Variants in STX8 observed in about 807,000 individuals in gnomAD.
STX8 encodes the protein syntaxin-8.
In STX8, 23 loss-of-function variants were observed where a neutral mutation model predicts 37.5. That is an observed-to-expected ratio of 0.61 (90% CI 0.44 to 0.87). The LOEUF (loss-of-function observed/expected upper bound fraction) is 0.87. Ranked by LOEUF, STX8 falls within the 40% of genes least tolerant of loss-of-function variation. STX8 has a pLI of 0.00. For synonymous variants in STX8, 115 were observed against 99.1 expected, an observed-to-expected ratio of 1.16 and a Z score of -0.95; for missense variants, 313 against 284.7, an observed-to-expected ratio of 1.10 and a Z score of -0.71.
chr17:9,549,529 T>G (rs1456602916), intron 3 of STX8, among the ~76,000 whole-genome samples: 1 of 152,222 alleles, frequency 6.6e-6, no homozygotes, highest in Non-Finnish European at 1.5e-5. Context: ...CCACCAAACA[T>G]TCTGCAGACT....
chr17:9,457,459 G>A (rs1905215195), intron 6 of STX8, among the ~76,000 whole-genome samples: 1 of 152,154 alleles, frequency 6.6e-6, no homozygotes, highest in Non-Finnish European at 1.5e-5. Flanking sequence ...CCACATTTAA[G>A]AACTCTGGTG....
chr17:9,563,450 C>T (rs973687021), intron 2 of STX8, among the ~76,000 whole-genome samples: 1 of 152,094 alleles, frequency 6.6e-6, no homozygotes, highest in African/African-American at 2.4e-5. Context: ...TCCCAAAGTG[C>T]TGGGATTACA....
chr17:9,505,285 T>C, intron 4 of STX8, 123 bp from the exon 5 acceptor site: 1 of 1,093,210 alleles, frequency 9.1e-7, no homozygotes. Flanking sequence ...ACACAATTTA[T>C]TGCATCATTA....
intron 6 of STX8, among the ~76,000 whole-genome samples, chr17:9,458,147 G>A (rs1905234658): frequency 6.6e-6 from 1 of 152,136 alleles, no homozygotes; most frequent in Admixed American, 6.6e-5. Context: ...TAAATATGCT[G>A]GCTTTTAATT....
chr17:9,337,431 T>C (rs1412936336), intron 7 of STX8, among the ~76,000 whole-genome samples: 2 of 152,202 alleles, frequency 1.3e-5, no homozygotes, highest in African/African-American at 4.8e-5. Context: ...CAGGCTACAG[T>C]GTAGTGGTGT....
In STX8 at chr17:9,278,715, T is replaced by C. The variant is rs73264081; in HGVS notation, c.644-28070A>G. ...GAGAGATCTTGGGCAGTGGCAGTGA[T>C]GGTGACAGGTTGAGAGCCCAAAGAA... On this transcript the variant is annotated intron_variant, in intron 7 of 7. Coordinates refer to ENST00000306357, the MANE Select transcript of STX8 (RefSeq NM_004853.3). 7.7e-3 allele frequency among the ~76,000 whole-genome samples: 1,166 copies of C among 151,896 alleles called. 20 individuals carry two copies. The highest frequency in any genetic ancestry group is 0.026 in the African/African-American group (1,097 of 41,402).
chr17:9,347,581 C>A (rs545777751), intron 7 of STX8, among the ~76,000 whole-genome samples: 3 of 152,094 alleles, frequency 2.0e-5, no homozygotes, highest in Non-Finnish European at 4.4e-5. Context: ...AGTGGCACGA[C>A]GTCAGCTCAT....
intron 4 of STX8, among the ~76,000 whole-genome samples, chr17:9,514,407 C>T (rs1905109704): frequency 6.6e-6 from 1 of 152,088 alleles, no homozygotes; most frequent in Admixed American, 6.6e-5. Flanking sequence ...GAGTTCCAGA[C>T]CAGCCCGGCC....
chr17:9,565,103 G>T lies in STX8; in HGVS notation c.117+3268C>A, dbSNP rs559870964. ...CATGCCTGTAATCCCAGCTACCTGG[G>T]AGGCTGAGGCACGGGAATCACTTGA... On this transcript the variant is annotated intron_variant, in intron 2 of 7. Coordinates refer to ENST00000306357, the MANE Select transcript of STX8 (RefSeq NM_004853.3). Among the ~76,000 whole-genome samples the T allele has an allele frequency of 2.6e-5, 4 of 152,326 alleles. No homozygotes were observed. The South Asian group carries it at 8.3e-4, about 32-fold the overall frequency.
intron 7 of STX8, among the ~76,000 whole-genome samples, chr17:9,304,087 G>T (rs1280867936): frequency 6.6e-6 from 1 of 151,926 alleles, no homozygotes; most frequent in African/African-American, 2.4e-5. Context: ...TCTCAACTTG[G>T]TAAGAAAAAG....
intron 7 of STX8, among the ~76,000 whole-genome samples, chr17:9,372,829 C>G (rs1304735416): frequency 7.0e-6 from 1 of 142,894 alleles, no homozygotes; most frequent in African/African-American, 2.6e-5. Flanking sequence ...GTGGGCCAGG[C>G]GCGGTGGCTC....
intron 6 of STX8, among the ~76,000 whole-genome samples, chr17:9,428,962 A>C (rs1320393267): frequency 2.0e-5 from 3 of 152,128 alleles, no homozygotes; most frequent in Non-Finnish European, 4.4e-5. Context: ...AAATGCAACC[A>C]ATGAGGCACA....
intron 7 of STX8, among the ~76,000 whole-genome samples, chr17:9,271,544 G>T (rs545960657): frequency 6.6e-6 from 1 of 152,280 alleles, no homozygotes; most frequent in Admixed American, 6.5e-5. Flanking sequence ...GAAGTCAAGA[G>T]ATCGAGACCA....
intron 7 of STX8, among the ~76,000 whole-genome samples, chr17:9,318,934 C>A (rs1909476012): frequency 6.6e-6 from 1 of 152,124 alleles, no homozygotes; most frequent in South Asian, 2.1e-4. Context: ...AACAGGGGTG[C>A]AGAGCCAGTG....
At chr17:9,503,057 G>A (rs904631671) in intron 5 of STX8, among the ~76,000 whole-genome samples, 2 of 128,424 alleles carry the variant, frequency 1.6e-5, no homozygotes, top group Non-Finnish European at 3.1e-5. Flanking sequence ...GGTGAGCTGA[G>A]ATCGTACCAC....
chr17:9,408,568 C>A (rs1036045696), intron 6 of STX8, among the ~76,000 whole-genome samples: 3 of 152,170 alleles, frequency 2.0e-5, no homozygotes, highest in African/African-American at 7.2e-5. Flanking sequence ...AGCTGAGAAG[C>A]CAAACCTTGG....
intron 7 of STX8, among the ~76,000 whole-genome samples, chr17:9,376,704 G>A (rs751065254): frequency 2.6e-5 from 4 of 152,218 alleles, no homozygotes; most frequent in African/African-American, 4.8e-5. Flanking sequence ...CCTGAAGTCA[G>A]CGAGACCACG....
At chr17:9,571,115 G>C (rs999312178) in intron 1 of STX8, among the ~76,000 whole-genome samples, 8 of 152,158 alleles carry the variant, frequency 5.3e-5, no homozygotes, top group African/African-American at 1.4e-4. Context: ...GAGCCATAGA[G>C]AACACTTTTA....
intron 4 of STX8, among the ~76,000 whole-genome samples, chr17:9,505,401 T>A (rs1033862781): frequency 6.6e-6 from 1 of 152,186 alleles, no homozygotes; most frequent in African/African-American, 2.4e-5. Flanking sequence ...TGGGAGAACA[T>A]AATATTTGTA....
Sources: gnomAD v4.1 joint callset for allele counts (sites outside exome capture counted in the v4.1 genomes callset) on GRCh38, gnomAD v4.1.1 for gene constraint, MANE v1.5 for transcripts, NCBI Gene and HGNC (gene_info 2026-07-23, HGNC 2026-07-21) for gene names.